MTOR: variants seen among roughly 807,000 people sequenced by gnomAD.
MTOR encodes the protein mechanistic target of rapamycin kinase, also known as serine/threonine-protein kinase mTOR.
Under a neutral mutation model 319.8 loss-of-function variants are expected in MTOR, and 70 were observed. The observed-to-expected ratio is 0.22, with a 90% CI of 0.18 to 0.27. The LOEUF is 0.27. Ranked by LOEUF, MTOR falls within the 10% of genes least tolerant of loss-of-function variation. The pLI is 1.00. For synonymous variants in MTOR, 1,183 were observed against 1,211.4 expected, an observed-to-expected ratio of 0.98 and a Z score of 0.49; for missense variants, 1,890 against 3,274.4, an observed-to-expected ratio of 0.58 and a Z score of 10.32.
intron 28 of MTOR, among the ~76,000 whole-genome samples, chr1:11,171,194 CAAAA>C (rs946569273): frequency 2.4e-5 from 3 of 122,592 alleles, no homozygotes; most frequent in African/African-American, 9.1e-5. Flanking sequence ...GACTCTATCT[CAAAA>C]AAAAAAAAAA....
intron 29 of MTOR, among the ~76,000 whole-genome samples, chr1:11,165,439 A>G (rs1370773745): frequency 1.3e-5 from 2 of 152,142 alleles, no homozygotes; most frequent in Non-Finnish European, 2.9e-5. Flanking sequence ...AAGCATTCTT[A>G]TACACCAATA....
chr1:11,152,687 G>T (rs1644190259), intron 30 of MTOR, among the ~76,000 whole-genome samples: 1 of 152,126 alleles, frequency 6.6e-6, no homozygotes, highest in African/African-American at 2.4e-5. Context: ...AATGGGAAGG[G>T]TCTCAGCTCA....
intron 29 of MTOR, among the ~76,000 whole-genome samples, chr1:11,160,245 T>C (rs550052022): frequency 2.0e-4 from 30 of 152,166 alleles, no homozygotes; most frequent in South Asian, 6.2e-4. Flanking sequence ...TGATTACAGG[T>C]ATGCACCACC....
chr1:11,187,740 A>G (rs1379036049), intron 28 of MTOR, among the ~76,000 whole-genome samples: 1 of 152,216 alleles, frequency 6.6e-6, no homozygotes, highest in African/African-American at 2.4e-5. Flanking sequence ...ATTTGGGGCC[A>G]GAGTCTCGTT....
At position 11,149,783 on chromosome 1, in the gene MTOR, TCTGCTG is replaced by T. The variant is rs371473036; in HGVS notation, c.4570+337_4570+342del. Among the ~76,000 whole-genome samples, 644 of 152,306 alleles carry T rather than the reference TCTGCTG, an allele frequency of 4.2e-3. 6 individuals carry two copies. The highest frequency in any genetic ancestry group is 0.015 in the African/African-American group (608 of 41,560). On this transcript the variant is annotated intron_variant, in intron 31 of 57. Transcript: ENST00000361445. ...TGAACTACTTGACACCCCACTGGTG[TCTGCTG>T]ACAATGGCTTGGTGTATGGGGAAAA...
chr1:11,204,935 A>G (rs577390045), intron 25 of MTOR, among the ~76,000 whole-genome samples: 32 of 152,326 alleles, frequency 2.1e-4, no homozygotes, highest in African/African-American at 7.5e-4. Context: ...CTGGACTCTG[A>G]CTGCAGCAAA....
intron 31 of MTOR, among the ~76,000 whole-genome samples, chr1:11,147,285 G>C (rs1643963389): frequency 6.6e-6 from 1 of 152,180 alleles, no homozygotes; most frequent in South Asian, 2.1e-4. Context: ...ATTTCATTCT[G>C]GCAATATCTT....
Position 11,109,844 on chromosome 1 carries a change from A to C in MTOR, c.7367-115T>G. The C allele has an allele frequency of 6.0e-6, 5 of 831,408 alleles. No homozygotes were observed. The highest frequency in any genetic ancestry group is 2.5e-5 in the East Asian group (1 of 39,888). The allele number at this position is 831,408 out of a possible 1,614,324, so 51.5% of individuals were successfully genotyped here. A position where few individuals can be genotyped will look rare whatever the true frequency, so the allele number is the denominator to read the frequency against. ...TTTAACGCCTGCCCTACCTACCCTAAAGGGGAAAAGAGAAGGAAAGTTTTA... is the reference window on the plus strand; with the variant it reads ...TTTAACGCCTGCCCTACCTACCCTACAGGGGAAAAGAGAAGGAAAGTTTTA... On this transcript the variant is annotated intron_variant, in intron 54 of 57. Transcript: ENST00000361445. The surrounding 1 kb of genome is among the most constrained non-coding windows in gnomAD (Gnocchi z 4.0).
intron 26 of MTOR, among the ~76,000 whole-genome samples, chr1:11,201,200 G>A (rs1645958100): frequency 1.3e-5 from 2 of 152,046 alleles, no homozygotes; most frequent in African/African-American, 4.8e-5. Flanking sequence ...CTAGGTCAGA[G>A]GCCACATTGG....
chr1:11,193,455 G>A (rs1645630982), intron 28 of MTOR: 2 of 815,236 alleles, frequency 2.5e-6, no homozygotes, highest in Non-Finnish European at 3.7e-6. Context: ...GAGTGAGCCA[G>A]TGTGACTGCG....
At position 11,240,300 on chromosome 1, in the gene MTOR, T is replaced by C. The variant is rs768727472; in HGVS notation, c.1786+3A>G. 9 of 1,550,312 alleles carry C rather than the reference T, an allele frequency of 5.8e-6. No homozygotes were observed. The East Asian group carries it at 1.6e-4, about 27-fold the overall frequency. On this transcript the variant is annotated splice_donor_region_variant and intron_variant, in intron 11 of 57. Transcript: ENST00000361445. ...CTTGGCAAGAGCCGTTGTAATTTCT[T>C]ACCTTCAAATTCAAAGCTGCCAAGC...
intron 1 of MTOR, 100 bp from the exon 2 acceptor site, chr1:11,259,523 G>T: frequency 3.1e-6 from 4 of 1,296,550 alleles, no homozygotes; most frequent in South Asian, 1.6e-5. Flanking sequence ...CCTAGCCCTT[G>T]TCAGGCAGGG....
intron 26 of MTOR, among the ~76,000 whole-genome samples, chr1:11,204,275 T>G (rs372430616): frequency 6.6e-6 from 1 of 152,212 alleles, no homozygotes; most frequent in African/African-American, 2.4e-5. Context: ...TTATTGGAAA[T>G]AGGTTACATT....
intron 28 of MTOR, among the ~76,000 whole-genome samples, chr1:11,169,617 A>G (rs957558931): frequency 4.6e-5 from 7 of 152,370 alleles, no homozygotes; most frequent in Non-Finnish European, 8.8e-5. Flanking sequence ...AAAGGATTGA[A>G]ACTTGGGTTT....
intron 26 of MTOR, 36 bp downstream of exon 26, chr1:11,204,525 G>A: frequency 1.9e-6 from 3 of 1,590,746 alleles, no homozygotes; most frequent in Non-Finnish European, 2.6e-6. Context: ...CGTTTTCTAT[G>A]TGCTGATCTT....
chr1:11,257,146 T>C lies in MTOR; in HGVS notation c.291A>G (p.Glu97=). ...ILAIASLIGV[E]GGNATRIGRF... ...TGCCAATTCGGGTGGCATTCCCACCTTCCACTCCTATGAGGCTAGCTGCAA... is the reference window on the plus strand; with the variant it reads ...TGCCAATTCGGGTGGCATTCCCACCCTCCACTCCTATGAGGCTAGCTGCAA... The change falls in exon 4 of 58, where the codon GAA becomes GAG. Residue 97 remains glutamate (E), a synonymous_variant. Coordinates refer to ENST00000361445, the MANE Select transcript of MTOR (RefSeq NM_004958.4). 6.2e-7 allele frequency: 1 copy of C among 1,613,204 alleles called. No individual in the cohort carries two copies. The highest frequency in any genetic ancestry group is 8.5e-7 in the Non-Finnish European group (1 of 1,179,640).
intron 11 of MTOR, among the ~76,000 whole-genome samples, chr1:11,238,849 G>A (rs1016451989): frequency 8.7e-5 from 13 of 150,218 alleles, no homozygotes; most frequent in African/African-American, 2.9e-4. Context: ...TGCAGGCTCC[G>A]CCTCCCGGGT....
chr1:11,238,129 T>A, intron 12 of MTOR, 81 bp from the exon 13 acceptor site: 4 of 1,350,426 alleles, frequency 3.0e-6, no homozygotes, highest in Non-Finnish European at 4.2e-6. Context: ...TCCACTGCCA[T>A]CAGCGTAGTG....
intron 37 of MTOR, 60 bp downstream of exon 37, chr1:11,134,291 A>C: frequency 6.7e-7 from 1 of 1,498,354 alleles, no homozygotes; most frequent in Non-Finnish European, 9.3e-7. Context: ...TCCTTGCTGC[A>C]GAAGCTGCTG....
Sources: allele counts gnomAD v4.1 joint callset (sites outside exome capture counted in the v4.1 genomes callset), GRCh38; gene constraint gnomAD v4.1.1; non-coding constraint Gnocchi (gnomAD v3.1); transcripts MANE v1.5; gene names NCBI Gene and HGNC (gene_info 2026-07-23, HGNC 2026-07-21).